The following CFAP44 variants were observed in gnomAD, a reference collection of about 807,000 sequenced individuals.
The protein encoded by CFAP44 is cilia and flagella associated protein 44.
Under a neutral mutation model 216.2 loss-of-function variants are expected in CFAP44, and 134 were observed. The ratio of observed to expected loss-of-function variants is 0.62; its 90% CI spans 0.54 to 0.72. The LOEUF (loss-of-function observed/expected upper bound fraction) is 0.72, where lower values mean the gene tolerates loss of function less well. CFAP44 is among the 30% of genes least tolerant of loss of function. The pLI, the probability that CFAP44 is intolerant of heterozygous loss-of-function variation, is 0.00. For missense variants in CFAP44, 2,035 were observed against 2,182.1 expected (o/e 0.93, Z 1.34); for synonymous variants, 700 against 727.6 (o/e 0.96, Z 0.61).
At chr3:113,339,846 T>C (rs1437913591) in intron 24 of CFAP44, among the ~76,000 whole-genome samples, 2 of 152,128 alleles carry the variant, frequency 1.3e-5, no homozygotes, top group African/African-American at 4.8e-5. Flanking sequence ...GCCCTCTCAC[T>C]TAGAAAAGGA....
intron 21 of CFAP44, chr3:113,360,939 G>A (rs1950534443): frequency 8.7e-6 from 2 of 230,214 alleles, no homozygotes; most frequent in Non-Finnish European, 1.8e-5. Context: ...AAAAAAAAAA[G>A]GCAGTTGAAT....
chr3:113,367,114 C>T (rs547365810), intron 18 of CFAP44, among the ~76,000 whole-genome samples: 2 of 152,262 alleles, frequency 1.3e-5, no homozygotes, highest in Non-Finnish European at 2.9e-5. Flanking sequence ...CCTCTATAGA[C>T]TCCACCTCTG....
intron 22 of CFAP44, among the ~76,000 whole-genome samples, chr3:113,350,654 A>C (rs1274192625): frequency 6.6e-6 from 1 of 152,186 alleles, no homozygotes. Flanking sequence ...CCTATCAGAG[A>C]TCCTTGGCCC....
rs372032197 is a variant in CFAP44 at position 113,345,762 on chromosome 3, CACAA to C, written c.3066-1054_3066-1051del. ...CATTGGTTCATAATTATCACACACA[CACAA>C]ACAAGCACTTCTTAGAATTTAATTT... On this transcript the variant is annotated intron_variant, in intron 22 of 34. Coordinates refer to ENST00000393845, the MANE Select transcript of CFAP44 (RefSeq NM_001164496.2). Among the ~76,000 whole-genome samples the C allele has an allele frequency of 5.2e-3, 796 of 152,254 alleles. 8 individuals carry two copies. The highest frequency in any genetic ancestry group is 0.018 in the African/African-American group (764 of 41,546).
At chr3:113,419,918 T>G in intron 5 of CFAP44, 99 bp downstream of exon 5, 4 of 1,255,378 alleles carry the variant, frequency 3.2e-6, no homozygotes, top group Non-Finnish European at 4.4e-6. Context: ...CACAATACTG[T>G]GCATGGTGTT....
chr3:113,304,943 C>T (rs1576538308), intron 31 of CFAP44, 93 bp downstream of exon 31: 30 of 1,099,530 alleles, frequency 2.7e-5, no homozygotes, highest in Non-Finnish European at 3.8e-5. Flanking sequence ...AACCACGATT[C>T]TCCCCATTAG....
chr3:113,396,510 C>G lies in CFAP44; in HGVS notation c.1779+8G>C. The G allele has an allele frequency of 6.2e-7, 1 of 1,612,740 alleles. No individual in the cohort carries two copies. The highest frequency in any genetic ancestry group is 2.2e-5 in the East Asian group (1 of 44,838). On this transcript the variant is annotated splice_region_variant and intron_variant, in intron 14 of 34. Coordinates refer to ENST00000393845, the MANE Select transcript of CFAP44 (RefSeq NM_001164496.2). ...TCAACAAGAAAAGAAAGGAAATGTA[C>G]TGCTTACCCCTGTGGCTAGAATTTC...
intron 15 of CFAP44, among the ~76,000 whole-genome samples, chr3:113,389,646 T>C (rs1933740827): frequency 6.6e-6 from 1 of 151,662 alleles, no homozygotes; most frequent in South Asian, 2.1e-4. Flanking sequence ...GCCTAAAATA[T>C]ATGAAATCAA....
intron 15 of CFAP44, among the ~76,000 whole-genome samples, chr3:113,388,803 G>A (rs989309299): frequency 1.3e-5 from 2 of 152,094 alleles, no homozygotes; most frequent in Admixed American, 6.5e-5. Context: ...ATGATAAAGA[G>A]GTCAATTCAG....
chr3:113,420,595 G>C (rs55757335), intron 4 of CFAP44, among the ~76,000 whole-genome samples: 26,455 of 152,094 alleles, frequency 0.17, 3,039 homozygotes, highest in East Asian at 0.42. Flanking sequence ...AAATCATACT[G>C]TATAACATGG....
At chr3:113,299,900 G>A (rs1019165749) in intron 32 of CFAP44, among the ~76,000 whole-genome samples, 2 of 152,136 alleles carry the variant, frequency 1.3e-5, no homozygotes, top group Non-Finnish European at 2.9e-5. Flanking sequence ...GCATGGTGGT[G>A]TATGCCTGTA....
At chr3:113,309,898 G>A (rs899220606) in intron 28 of CFAP44, among the ~76,000 whole-genome samples, 3 of 152,162 alleles carry the variant, frequency 2.0e-5, no homozygotes, top group African/African-American at 7.2e-5. Context: ...CTCAACAAAA[G>A]CTTGCTCTCT....
At chr3:113,341,669 A>G (rs1950334355) in intron 24 of CFAP44, 75 bp downstream of exon 24, 1 of 1,300,108 alleles carries the variant, frequency 7.7e-7, no homozygotes, top group Non-Finnish European at 9.9e-7. Flanking sequence ...GTCAATAAAT[A>G]TAAAGATTTT....
intron 14 of CFAP44, 138 bp downstream of exon 14, chr3:113,396,380 T>C (rs1933990003): frequency 4.3e-6 from 4 of 925,082 alleles, no homozygotes; most frequent in Non-Finnish European, 6.4e-6. Context: ...TGAAAGAATA[T>C]GACTACAAAG....
chr3:113,406,673 T>G (rs977603782), intron 8 of CFAP44, among the ~76,000 whole-genome samples: 1 of 150,920 alleles, frequency 6.6e-6, no homozygotes, highest in African/African-American at 2.4e-5. Context: ...TATATGAAAA[T>G]GCTCACATAC....
intron 22 of CFAP44, among the ~76,000 whole-genome samples, chr3:113,349,514 C>A (rs865928578): frequency 2.0e-5 from 3 of 152,156 alleles, no homozygotes; most frequent in Non-Finnish European, 4.4e-5. Context: ...AGGCCAATCA[C>A]CTGGTAGGGC....
At chr3:113,432,364 T>C (rs1189526016) in intron 2 of CFAP44, among the ~76,000 whole-genome samples, 1 of 152,244 alleles carries the variant, frequency 6.6e-6, no homozygotes, top group Non-Finnish European at 1.5e-5. Flanking sequence ...TTTTGACTTT[T>C]AGAAAATTAT....
intron 18 of CFAP44, among the ~76,000 whole-genome samples, chr3:113,369,055 C>A (rs973581515): frequency 2.6e-5 from 4 of 152,168 alleles, no homozygotes; most frequent in African/African-American, 9.7e-5. Flanking sequence ...AATATATATG[C>A]ACTCAATACA....
chr3:113,350,585 G>T (rs1467005058), intron 22 of CFAP44, among the ~76,000 whole-genome samples: 2 of 152,176 alleles, frequency 1.3e-5, no homozygotes, highest in Non-Finnish European at 2.9e-5. Flanking sequence ...CCACCTTGTT[G>T]TCAGTGTAAA....
Sources: allele counts gnomAD v4.1 joint callset (sites outside exome capture counted in the v4.1 genomes callset), GRCh38; gene constraint gnomAD v4.1.1; transcripts MANE v1.5; gene names NCBI Gene and HGNC (gene_info 2026-07-23, HGNC 2026-07-21).